The following PYHIN1 variants were observed in gnomAD, a reference collection of about 807,000 sequenced individuals.
PYHIN1 encodes pyrin and HIN domain-containing protein 1.
PYHIN1 carries 32 observed loss-of-function variants against 43.7 expected under a neutral mutation model. The observed-to-expected ratio is 0.73, with a 90% confidence interval of 0.55 to 0.98. The LOEUF (loss-of-function observed/expected upper bound fraction) is 0.98. Ranked by LOEUF, PYHIN1 falls within the 50% of genes least tolerant of loss-of-function variation. The pLI, the probability that PYHIN1 is intolerant of heterozygous loss-of-function variation, is 0.00. For missense variants in PYHIN1, 588 were observed against 589.5 expected (o/e 1.00, Z 0.03); for synonymous variants, 205 against 203.1 (o/e 1.01, Z -0.08).
intron 7 of PYHIN1, among the ~76,000 whole-genome samples, chr1:158,947,959 T>G (rs1319486147): frequency 6.6e-6 from 1 of 152,216 alleles, no homozygotes; most frequent in Non-Finnish European, 1.5e-5. Flanking sequence ...ATCTTGAGAC[T>G]TTTACAAAAC....
the PYHIN1 span, among the ~76,000 whole-genome samples, chr1:158,983,831 G>T: frequency 1.3e-5 from 2 of 151,968 alleles, no homozygotes; most frequent in Non-Finnish European, 2.9e-5. Flanking sequence ...TTATTGATCT[G>T]TTTAGGTATT....
chr1:158,961,982 C>T (rs921958317), intron 7 of PYHIN1, among the ~76,000 whole-genome samples: 1 of 148,234 alleles, frequency 6.7e-6, no homozygotes, highest in African/African-American at 2.7e-5. Context: ...ACTCCAGCCA[C>T]CCCCCTGCCT....
At chr1:158,959,671 G>A (rs541016775) in intron 7 of PYHIN1, among the ~76,000 whole-genome samples, 3 of 152,258 alleles carry the variant, frequency 2.0e-5, no homozygotes, top group Middle Eastern at 3.4e-3. Flanking sequence ...ATTAGATGAG[G>A]TCCTCCCATT....
chr1:158,936,397 CA>C (rs1248258977), intron 1 of PYHIN1, among the ~76,000 whole-genome samples: 1 of 150,736 alleles, frequency 6.6e-6, no homozygotes, highest in Non-Finnish European at 1.5e-5. Context: ...AGAGACACAA[CA>C]AAAAAAAGAG....
chr1:158,936,204 T>TC (rs1368538325), intron 1 of PYHIN1, among the ~76,000 whole-genome samples: 1 of 67,566 alleles, frequency 1.5e-5, no homozygotes, highest in Non-Finnish European at 2.7e-5. Flanking sequence ...ATGCTATCCC[T>TC]CCCCCCTCCC....
chr1:158,982,555 G>C, the PYHIN1 span, among the ~76,000 whole-genome samples: 3 of 152,124 alleles, frequency 2.0e-5, no homozygotes, highest in Non-Finnish European at 4.4e-5. Context: ...TTGTAGTATA[G>C]TTTGAATTTG....
In PYHIN1 at chr1:158,943,853, G is replaced by GTA. The variant is rs1399729756; in HGVS notation, c.1067_1068dup (p.Gly357Ter). On this transcript the variant is annotated frameshift_variant, in exon 6 of 9. Coordinates refer to ENST00000368140, the MANE Select transcript of PYHIN1 (RefSeq NM_152501.5). LOFTEE classifies it high-confidence loss of function. The stretch of plus-strand genomic sequence containing the variant: ...GGATAAAACAGGAAGTATGGCTGTA[G>GTA]TAGGAAAAGGAGAATGCCACAATAT... 1.9e-6 allele frequency: 3 copies of GTA among 1,610,506 alleles called. No individual in the cohort carries two copies. In the African/African-American group the frequency reaches 4.0e-5, roughly 22 times the overall value.
Position 158,933,304 on chromosome 1 carries a change from T to G in PYHIN1, c.-21+1528T>G, listed in dbSNP as rs1648279197. On this transcript the variant is annotated intron_variant, in intron 1 of 8. Coordinates refer to ENST00000368140, the MANE Select transcript of PYHIN1 (RefSeq NM_152501.5). The surrounding 1 kb of genome is among the most constrained non-coding windows in gnomAD (Gnocchi z 6.3). Reference sequence around the variant, plus strand: ...GATAAATATATTATATAACATTATATTATCATGAAGGACTATACAATAATG... The same window carrying G: ...GATAAATATATTATATAACATTATAGTATCATGAAGGACTATACAATAATG... Among the ~76,000 whole-genome samples the G allele has an allele frequency of 6.6e-6, 1 of 151,360 alleles. No individual in the cohort carries two copies. Among genetic ancestry groups the G allele is most frequent in the African/African-American group, 2.4e-5 (1 of 41,348 alleles).
intron 7 of PYHIN1, among the ~76,000 whole-genome samples, chr1:158,962,514 G>C (rs1650381523): frequency 6.6e-6 from 1 of 152,120 alleles, no homozygotes; most frequent in Admixed American, 6.5e-5. Flanking sequence ...CCTAGGACTC[G>C]AACACAATTA....
chr1:158,942,329 T>C lies in PYHIN1; in HGVS notation c.932T>C (p.Ile311Thr), dbSNP rs1246049283. ...GACATCATCAGAAGAGCAAAGAAAA[T>C]TCCGAAGATCAATATTCTTCACAAA... The part of the protein sequence containing the change: ...PKDIIRRAKK[I>T]PKINILHKQT... The change falls in exon 5 of 9, where the codon ATT becomes ACT. Residue 311 changes from isoleucine to threonine, a missense_variant. By Grantham distance (89) the Ile-to-Thr change is moderately conservative. Coordinates refer to ENST00000368140, the MANE Select transcript of PYHIN1 (RefSeq NM_152501.5). 5.0e-6 allele frequency: 8 copies of C among 1,613,178 alleles called. No homozygotes were observed. In the Admixed American group the frequency reaches 1.2e-4, roughly 24 times the overall value.
chr1:158,941,946 C>T (rs1648939105), intron 4 of PYHIN1, 31 bp from the exon 5 acceptor site: 1 of 1,534,064 alleles, frequency 6.5e-7, no homozygotes, highest in Non-Finnish European at 8.7e-7. Flanking sequence ...TCAAAAATTT[C>T]TTTTTTGTAT....
chr1:158,987,862 A>T, the PYHIN1 span, among the ~76,000 whole-genome samples: 1 of 152,206 alleles, frequency 6.6e-6, no homozygotes, highest in Non-Finnish European at 1.5e-5. Context: ...TGGCAAAGCT[A>T]ATTCAGATAA....
At position 158,933,591 on chromosome 1, in the gene PYHIN1, T is replaced by G. The variant is rs1400907549; in HGVS notation, c.-21+1815T>G. 6.6e-6 allele frequency among the ~76,000 whole-genome samples: 1 copy of G among 152,110 alleles called. No homozygotes were observed. Among genetic ancestry groups the G allele is most frequent in the Non-Finnish European group, 1.5e-5 (1 of 67,960 alleles). Reference sequence around the variant, plus strand: ...AATCAAATTTGATAAAAGTTGTCATTTAACTAGTTAACCTCTTTATGTATA... The same window carrying G: ...AATCAAATTTGATAAAAGTTGTCATGTAACTAGTTAACCTCTTTATGTATA... On this transcript the variant is annotated intron_variant, in intron 1 of 8. Transcript: ENST00000368140. The surrounding 1 kb of genome is among the most constrained non-coding windows in gnomAD (Gnocchi z 6.3).
At chr1:158,957,275 A>G (rs1650000405) in intron 7 of PYHIN1, among the ~76,000 whole-genome samples, 1 of 151,276 alleles carries the variant, frequency 6.6e-6, no homozygotes, top group South Asian at 2.1e-4. Context: ...ATATGGAACC[A>G]AAAAAGAGCC....
chr1:158,957,903 T>G (rs1284530761), intron 7 of PYHIN1, among the ~76,000 whole-genome samples: 3 of 150,584 alleles, frequency 2.0e-5, no homozygotes, highest in East Asian at 3.9e-4. Context: ...TCAAACAAAT[T>G]TACAAGAAAA....
At chr1:158,975,267 T>G (rs969505754) in intron 8 of PYHIN1, among the ~76,000 whole-genome samples, 6 of 152,094 alleles carry the variant, frequency 3.9e-5, no homozygotes, top group African/African-American at 1.4e-4. Flanking sequence ...TTTGTATAAA[T>G]TTTTCTATGC....
chr1:158,955,968 C>T (rs1649895529), intron 7 of PYHIN1, among the ~76,000 whole-genome samples: 1 of 137,058 alleles, frequency 7.3e-6, no homozygotes, highest in African/African-American at 2.7e-5. Flanking sequence ...GAGAATACTA[C>T]AAACACCTCT....
chr1:158,937,803 A>G (rs909271673), intron 2 of PYHIN1, among the ~76,000 whole-genome samples: 2 of 152,044 alleles, frequency 1.3e-5, no homozygotes, highest in Non-Finnish European at 2.9e-5. Context: ...AAAATTAGCC[A>G]GGCGTGGTGG....
chr1:158,983,307 T>A, the PYHIN1 span, among the ~76,000 whole-genome samples: 15 of 152,282 alleles, frequency 9.9e-5, no homozygotes, highest in Non-Finnish European at 1.6e-4. Flanking sequence ...CATTTTGAGG[T>A]ATGTTCCTTT....
Sources: allele counts gnomAD v4.1 joint callset (sites outside exome capture counted in the v4.1 genomes callset), GRCh38; gene constraint gnomAD v4.1.1; non-coding constraint Gnocchi (gnomAD v3.1); transcripts MANE v1.5; gene names NCBI Gene and HGNC (gene_info 2026-07-23, HGNC 2026-07-21).